Variants in DLG2 observed in about 807,000 individuals in gnomAD.
DLG2 encodes the protein discs large MAGUK scaffold protein 2, also known as disks large homolog 2.
Under a neutral mutation model 132.5 loss-of-function variants are expected in DLG2, and 45 were observed. The observed-to-expected ratio is 0.34, with a 90% CI of 0.27 to 0.44. The LOEUF (loss-of-function observed/expected upper bound fraction) is 0.44, where lower values mean the gene tolerates loss of function less well. DLG2 is among the 20% of genes least tolerant of loss of function. The pLI is 1.00. For synonymous variants in DLG2, 424 were observed against 419.6 expected (o/e 1.01, Z -0.13); for missense variants, 1,045 against 1,196.9 (o/e 0.87, Z 1.87).
chr11:83,572,266 C>T (rs182668187), intron 19 of DLG2, among the ~76,000 whole-genome samples: 23 of 152,114 alleles, frequency 1.5e-4, no homozygotes, highest in African/African-American at 4.8e-4. Context: ...TCATCTATTA[C>T]AGACAAGTAT....
At chr11:85,501,937 T>C (rs1309821303) in intron 3 of DLG2, among the ~76,000 whole-genome samples, 2 of 152,188 alleles carry the variant, frequency 1.3e-5, no homozygotes, top group East Asian at 1.9e-4. Flanking sequence ...CAAAGGATTA[T>C]AAATCATTCT....
intron 6 of DLG2, among the ~76,000 whole-genome samples, chr11:85,001,376 T>C (rs1434536987): frequency 6.6e-6 from 1 of 152,148 alleles, no homozygotes; most frequent in Non-Finnish European, 1.5e-5. Context: ...AGATATATTA[T>C]CTTAGAGAGG....
intron 8 of DLG2, among the ~76,000 whole-genome samples, chr11:84,195,228 G>T (rs2154294414): frequency 6.6e-6 from 1 of 152,230 alleles, no homozygotes; most frequent in Non-Finnish European, 1.5e-5. Context: ...CAGTGGTGCG[G>T]TCTCAGCTCA....
rs541820859 is a variant in DLG2, at chr11:84,743,890, A to G, written c.358-209159T>C. On this transcript the variant is annotated intron_variant, in intron 6 of 27. Coordinates refer to ENST00000376104, the MANE Select transcript of DLG2 (RefSeq NM_001142699.3). ...CAGGCGCCTGCCACTGCGCCTGGCT[A>G]ATTTTTTGTATTTTTAGTACAGATG... Among the ~76,000 whole-genome samples the G allele has an allele frequency of 6.6e-5, 10 of 151,944 alleles. No individual in the cohort carries two copies. In the South Asian group the frequency reaches 8.3e-4, roughly 13 times the overall value.
At chr11:84,905,043 T>C (rs1327740741) in intron 6 of DLG2, among the ~76,000 whole-genome samples, 1 of 152,060 alleles carries the variant, frequency 6.6e-6, no homozygotes, top group Non-Finnish European at 1.5e-5. Context: ...GCCCAGTTAA[T>C]TGTTGTATTT....
intron 6 of DLG2, among the ~76,000 whole-genome samples, chr11:84,563,667 C>T (rs566118260): frequency 6.6e-6 from 1 of 152,142 alleles, no homozygotes; most frequent in Non-Finnish European, 1.5e-5. Flanking sequence ...TACACTCATG[C>T]GTAGCTGGCT....
chr11:84,435,351 G>C (rs1016390445), intron 7 of DLG2, among the ~76,000 whole-genome samples: 1 of 152,014 alleles, frequency 6.6e-6, no homozygotes, highest in Non-Finnish European at 1.5e-5. Context: ...CATTCACCAG[G>C]CATCGACTGA....
chr11:83,507,060 C>A (rs1360699447), intron 21 of DLG2, among the ~76,000 whole-genome samples: 2 of 152,108 alleles, frequency 1.3e-5, no homozygotes, highest in East Asian at 3.9e-4. Context: ...TTAGGAGCAA[C>A]CAAGCAGCTT....
chr11:84,714,553 C>CTCTCTCTTTCTCTTTCTCTT (rs1391760351), intron 6 of DLG2, among the ~76,000 whole-genome samples: 1 of 109,202 alleles, frequency 9.2e-6, no homozygotes, highest in African/African-American at 5.2e-5. Flanking sequence ...TTCTCTTTCT[C>CTCTCTCTTTCTCTTTCTCTT]TCTCTTTCTC....
chr11:85,246,625 T>TC (rs943334033), intron 4 of DLG2, among the ~76,000 whole-genome samples: 2 of 151,574 alleles, frequency 1.3e-5, no homozygotes, highest in Non-Finnish European at 2.9e-5. Context: ...CATGGAGCTT[T>TC]AAGTATGATG....
At chr11:85,490,778 G>GC (rs1375631481) in intron 3 of DLG2, among the ~76,000 whole-genome samples, 1 of 151,896 alleles carries the variant, frequency 6.6e-6, no homozygotes, top group African/African-American at 2.4e-5. Context: ...GAACAAACCA[G>GC]TAACAAGTAG....
At chr11:85,209,428 G>C (rs2082106375) in intron 4 of DLG2, among the ~76,000 whole-genome samples, 2 of 131,350 alleles carry the variant, frequency 1.5e-5, no homozygotes, top group Admixed American at 1.6e-4. Context: ...TGAACTTATG[G>C]GCACAAAGAA....
intron 15 of DLG2, among the ~76,000 whole-genome samples, chr11:83,912,152 C>T (rs963478593): frequency 8.2e-5 from 8 of 98,060 alleles, no homozygotes; most frequent in African/African-American, 2.9e-4. Flanking sequence ...ATAAAAATGT[C>T]ATCAAAATTA....
chr11:84,458,074 A>G (rs528517312), intron 7 of DLG2, among the ~76,000 whole-genome samples: 1 of 151,020 alleles, frequency 6.6e-6, no homozygotes, highest in East Asian at 1.9e-4. Flanking sequence ...AGATGTAGAT[A>G]TAAATGTAGA....
At chr11:84,481,312 A>G (rs1388344415) in intron 7 of DLG2, among the ~76,000 whole-genome samples, 3 of 151,826 alleles carry the variant, frequency 2.0e-5, no homozygotes, top group African/African-American at 7.3e-5. Context: ...TTTATCCCTG[A>G]TTATCTTTCA....
Position 83,980,626 on chromosome 11 carries a change from A to T in DLG2, c.936T>A (p.Ile312=). The change falls in exon 12 of 28, where the codon ATT becomes ATA. Residue 312 remains isoleucine, a synonymous_variant. Transcript: ENST00000376104. ...FKGPKGLGFS[I]AGGVGNQHIP... Reference sequence around the variant, plus strand: ...TGTGTTGGTTCCCCACACCTCCTGCAATACTGAAGCCTAAACCTATAAGAA... The same window carrying T: ...TGTGTTGGTTCCCCACACCTCCTGCTATACTGAAGCCTAAACCTATAAGAA... 6.2e-7 allele frequency: 1 copy of T among 1,612,244 alleles called. No individual in the cohort carries two copies. Among genetic ancestry groups the T allele is most frequent in the Non-Finnish European group, 8.5e-7 (1 of 1,179,164 alleles).
At chr11:84,934,172 A>G (rs1305840339) in intron 6 of DLG2, among the ~76,000 whole-genome samples, 1 of 152,070 alleles carries the variant, frequency 6.6e-6, no homozygotes, top group Admixed American at 6.6e-5. Context: ...GATAAATCAC[A>G]TTTATTGATT....
In DLG2 at chr11:83,784,387, G is replaced by A. The variant is rs1291884367; in HGVS notation, c.1825+2303C>T. 2.0e-5 allele frequency among the ~76,000 whole-genome samples: 3 copies of A among 152,170 alleles called. No homozygotes were observed. In the East Asian group the frequency reaches 5.8e-4, roughly 29 times the overall value. ...TACACGTAAAGTTTGGATAGGAGAGGAAAGAAATCTGATTGCTTGATGTTG... is the reference window on the plus strand; with the variant it reads ...TACACGTAAAGTTTGGATAGGAGAGAAAAGAAATCTGATTGCTTGATGTTG... On this transcript the variant is annotated intron_variant, in intron 18 of 27. Transcript: ENST00000376104.
intron 5 of DLG2, among the ~76,000 whole-genome samples, chr11:85,117,611 GA>G (rs11317554): frequency 0.76 from 91,054 of 120,144 alleles, 32,609 homozygotes; most frequent in African/African-American, 0.91. Flanking sequence ...TAGGTAAATA[GA>G]AAAAAAAAAA....
Sources: gnomAD v4.1 joint callset for allele counts (sites outside exome capture counted in the v4.1 genomes callset) on GRCh38, gnomAD v4.1.1 for gene constraint, MANE v1.5 for transcripts, NCBI Gene and HGNC (gene_info 2026-07-23, HGNC 2026-07-21) for gene names.